LAG3: variants seen among roughly 807,000 people sequenced by gnomAD.
The protein encoded by LAG3 is lymphocyte activating 3.
A neutral mutation model predicts 49.0 loss-of-function variants in LAG3; 29 were observed. The ratio of observed to expected loss-of-function variants is 0.59; its 90% CI spans 0.44 to 0.81. LAG3 has a LOEUF of 0.81. Among genes scored for constraint, LAG3 ranks in the 30% least tolerant of loss-of-function variants. The pLI is 0.00. For synonymous variants in LAG3, 320 were observed against 297.3 expected, an observed-to-expected ratio of 1.08 and a Z score of -0.79; for missense variants, 693 against 695.2, an observed-to-expected ratio of 1.00 and a Z score of 0.04.
In LAG3 at chr12:6,778,376, C is replaced by T. The variant is rs1401657374; in HGVS notation, c.1564C>T (p.Pro522Ser). Residue 522 changes from proline to serine, a missense_variant, in exon 8 of 8, where the codon CCG becomes TCG. By Grantham distance (74) the Pro-to-Ser change is moderately conservative. Transcript: ENST00000203629. ...ACCGGAGCCCGAGCCCGAGCCCGAG[C>T]CGGAGCAGCTCTGACCTGGAGCTGA... ...PEPEPEPEPE[P>S]EQL 2 of 1,611,278 alleles carry T rather than the reference C, an allele frequency of 1.2e-6. No homozygotes were observed.
At position 6,775,430 on chromosome 12, in the gene LAG3, T is replaced by C. The variant is rs1941896592; in HGVS notation, c.939T>C (p.Asn313=). 3.1e-6 allele frequency: 5 copies of C among 1,614,178 alleles called. No homozygotes were observed. The South Asian group carries it at 4.4e-5, about 14-fold the overall frequency. The change falls in exon 5 of 8, where the codon AAT becomes AAC. Residue 313 remains asparagine, a synonymous_variant. Transcript: ENST00000203629. ...CTGACCTCCTGGTGACTGGAGACAA[T>C]GGCGACTTTACCCTTCGACTAGAGG... ...GGPDLLVTGD[N]GDFTLRLEDV...
chr12:6,773,024 CT>C lies in LAG3; in HGVS notation c.58+120del. Reference sequence around the variant, plus strand: ...TTAGCTCTGTGGATTCTTCTAATCCCTTTTTTGGGCAGTCCTTCCACCCCGA... The same window carrying C: ...TTAGCTCTGTGGATTCTTCTAATCCCTTTTTGGGCAGTCCTTCCACCCCGA... On this transcript the variant is annotated intron_variant, in intron 1 of 7. Coordinates refer to ENST00000203629, the MANE Select transcript of LAG3 (RefSeq NM_002286.6). This position sits in a 1 kb window ranked among gnomAD's most constrained non-coding sequence, Gnocchi z 5.5. 2 of 1,386,268 alleles carry C rather than the reference CT, an allele frequency of 1.4e-6. No homozygotes were observed. Among genetic ancestry groups the C allele is most frequent in the Non-Finnish European group, 2.0e-6 (2 of 991,098 alleles). The allele number at this position is 1,386,268 out of a possible 1,614,324, so 85.9% of individuals were successfully genotyped here. A position where few individuals can be genotyped will look rare whatever the true frequency, so the allele number is the denominator to read the frequency against.
At position 6,772,680 on chromosome 12, in the gene LAG3, A is replaced by T; in HGVS notation, c.-173A>T. 8 of 431,772 alleles carry T rather than the reference A, an allele frequency of 1.9e-5. 1 individual carries two copies. In the South Asian group the frequency reaches 3.2e-4, roughly 17 times the overall value. The allele number at this position is 431,772 out of a possible 1,614,324, so 26.7% of individuals were successfully genotyped here. A position where few individuals can be genotyped will look rare whatever the true frequency, so the allele number is the denominator to read the frequency against. ...TTCCTCTGGATTCCGGCCTCTGGTCATCCCTCCCCACCCTCTCTCCAAGGC... is the reference window on the plus strand; with the variant it reads ...TTCCTCTGGATTCCGGCCTCTGGTCTTCCCTCCCCACCCTCTCTCCAAGGC... On this transcript the variant is annotated 5_prime_UTR_variant, in exon 1 of 8. Coordinates refer to ENST00000203629, the MANE Select transcript of LAG3 (RefSeq NM_002286.6).
In LAG3 at chr12:6,778,104, G is replaced by T. The variant is rs1431337806; in HGVS notation, c.1432-140G>T. ...TTGTGCCTGGGTAGGCTGGAAGGGG[G>T]GTTGGGAGAAAGCCAGGACCAGATG... On this transcript the variant is annotated intron_variant, in intron 7 of 7. Transcript: ENST00000203629. 8 of 1,302,416 alleles carry T rather than the reference G, an allele frequency of 6.1e-6. No individual in the cohort carries two copies. In the Admixed American group the frequency reaches 1.5e-4, roughly 24 times the overall value. The allele number at this position is 1,302,416 out of a possible 1,614,324, so 80.7% of individuals were successfully genotyped here.
At position 6,772,732 on chromosome 12, in the gene LAG3, A is replaced by T. The variant is rs1304495951; in HGVS notation, c.-121A>T. On this transcript the variant is annotated 5_prime_UTR_variant, in exon 1 of 8. Transcript: ENST00000203629. ...CTCTCCTGGTCTCCCTTCTTCTAGA[A>T]CCCCTTCCTCCACCTCCCTCTCTGC... 1 of 773,752 alleles carries T rather than the reference A, an allele frequency of 1.3e-6. No individual in the cohort carries two copies. The highest frequency in any genetic ancestry group is 2.1e-6 in the Non-Finnish European group (1 of 470,488). The allele number at this position is 773,752 out of a possible 1,614,324, so 47.9% of individuals were successfully genotyped here.
rs367798710 is a variant in LAG3, at chr12:6,777,517, C to G, written c.1300+11C>G. On this transcript the variant is annotated intron_variant, in intron 6 of 7. Transcript: ENST00000203629. Reference sequence around the variant, plus strand: ...AGCTGTCTAGCCCAGGTCCGAGGCCCCAGAATGCCAGGACCCAAACGCCAC... The same window carrying G: ...AGCTGTCTAGCCCAGGTCCGAGGCCGCAGAATGCCAGGACCCAAACGCCAC... 3 of 1,611,034 alleles carry G rather than the reference C, an allele frequency of 1.9e-6. No individual in the cohort carries two copies. Among genetic ancestry groups the G allele is most frequent in the Non-Finnish European group, 2.5e-6 (3 of 1,178,574 alleles).
chr12:6,773,409 C>CAGGGCAGGGGACAGA lies in LAG3; in HGVS notation c.206+70_206+71insAGGGCAGGGGACAGA. 1 of 1,565,848 alleles carries CAGGGCAGGGGACAGA rather than the reference C, an allele frequency of 6.4e-7. No homozygotes were observed. The highest frequency in any genetic ancestry group is 8.7e-7 in the Non-Finnish European group (1 of 1,149,480). ...TCAACCCCACACCCGTGCCGGTCCT[C>CAGGGCAGGGGACAGA]TGTCCCCTGCCCTGAGGTGTCACTC... On this transcript the variant is annotated intron_variant, in intron 2 of 7. Coordinates refer to ENST00000203629, the MANE Select transcript of LAG3 (RefSeq NM_002286.6). This position sits in a 1 kb window ranked among gnomAD's most constrained non-coding sequence, Gnocchi z 5.5.
rs753788377 is a variant in LAG3, at chr12:6,773,736, C to G, written c.246C>G (p.Pro82=). The G allele has an allele frequency of 1.5e-5, 20 of 1,334,714 alleles. No homozygotes were observed. The South Asian group carries it at 3.5e-4, about 24-fold the overall frequency. The allele number at this position is 1,334,714 out of a possible 1,614,324, so 82.7% of individuals were successfully genotyped here. A position where few individuals can be genotyped will look rare whatever the true frequency, so the allele number is the denominator to read the frequency against. The change falls in exon 3 of 8, where the codon CCC becomes CCG. Residue 82 remains proline (P), a synonymous_variant. Transcript: ENST00000203629. The surrounding 1 kb of genome is among the most constrained non-coding windows in gnomAD (Gnocchi z 5.5). ...PAAAPGHPLA[P]GPHPAAPSSW... ...CCGCCCCCGGCCATCCCCTGGCCCC[C>G]GGCCCTCACCCGGCGGCGCCCTCCT...
At position 6,773,278 on chromosome 12, in the gene LAG3, C is replaced by A. The variant is rs953432394; in HGVS notation, c.145C>A (p.Pro49Thr). The change falls in exon 2 of 8, where the codon CCC (proline) becomes ACC (threonine). Residue 49 changes from proline (P) to threonine (T), a missense_variant. Physicochemically the swap from Pro to Thr is conservative, Grantham distance 38. Coordinates refer to ENST00000203629, the MANE Select transcript of LAG3 (RefSeq NM_002286.6). This position sits in a 1 kb window ranked among gnomAD's most constrained non-coding sequence, Gnocchi z 5.5. ...CCAGCTCCCCTGCAGCCCCACAATC[C>A]CCCTCCAGGATCTCAGCCTTCTGCG... ...PAQLPCSPTI[P>T]LQDLSLLRRA... 1 of 1,613,746 alleles carries A rather than the reference C, an allele frequency of 6.2e-7. No individual in the cohort carries two copies. Among genetic ancestry groups the A allele is most frequent in the Non-Finnish European group, 8.5e-7 (1 of 1,179,840 alleles).
In LAG3 at chr12:6,777,825, C is replaced by A; in HGVS notation, c.1335C>A (p.Leu445=). 1 of 1,613,784 alleles carries A rather than the reference C, an allele frequency of 6.2e-7. No individual in the cohort carries two copies. The highest frequency in any genetic ancestry group is 8.5e-7 in the Non-Finnish European group (1 of 1,179,904). The change falls in exon 7 of 8, where the codon CTC becomes CTA. Residue 445 remains leucine, a synonymous_variant. Coordinates refer to ENST00000203629, the MANE Select transcript of LAG3 (RefSeq NM_002286.6). ...AQRSGRAPGA[L]PAGHLLLFLI... is the part of the protein sequence containing the mutation. ...GCTCTGGGAGAGCCCCAGGTGCCCT[C>A]CCAGCAGGCCACCTCCTGCTGTTTC...
intron 5 of LAG3, 135 bp downstream of exon 5, chr12:6,775,683 A>C: frequency 1.3e-6 from 1 of 784,974 alleles, no homozygotes; most frequent in Non-Finnish European, 2.0e-6. Context: ...GAGCCTGCCC[A>C]TCTCGGCCCC....
intron 7 of LAG3, 101 bp from the exon 8 acceptor site, chr12:6,778,143 C>A (rs906880836): frequency 2.7e-5 from 36 of 1,336,628 alleles, no homozygotes; most frequent in Middle Eastern, 2.2e-4. Context: ...AGGGCAGGGG[C>A]GCTGAGAAAA....
Position 6,773,726 on chromosome 12 carries a change from C to G in LAG3, c.236C>G (p.Pro79Arg). 2 of 1,345,268 alleles carry G rather than the reference C, an allele frequency of 1.5e-6. No homozygotes were observed. The highest frequency in any genetic ancestry group is 1.9e-6 in the Non-Finnish European group (2 of 1,055,304). 83.3% of individuals were successfully genotyped at this position (1,345,268 alleles called of 1,614,324 possible). A position where few individuals can be genotyped will look rare whatever the true frequency, so the allele number is the denominator to read the frequency against. ...CCGCCCGCTGCCGCCCCCGGCCATCCCCTGGCCCCCGGCCCTCACCCGGCG... is the reference window on the plus strand; with the variant it reads ...CCGCCCGCTGCCGCCCCCGGCCATCGCCTGGCCCCCGGCCCTCACCCGGCG... ...SGPPAAAPGHPLAPGPHPAAP... is the reference protein window; with the variant it reads ...SGPPAAAPGHRLAPGPHPAAP... Residue 79 changes from proline (P) to arginine (R), a missense_variant, in exon 3 of 8, where the codon CCC becomes CGC. Pro to Arg is a moderately radical substitution (Grantham distance 103). Coordinates refer to ENST00000203629, the MANE Select transcript of LAG3 (RefSeq NM_002286.6). The surrounding 1 kb of genome is among the most constrained non-coding windows in gnomAD (Gnocchi z 5.5).
rs1487807981 is a variant in LAG3, at chr12:6,774,665, T to A, written c.582T>A (p.Pro194=). ...TTTTGAACTGCTCCTTCAGCCGCCC[T>A]GACCGCCCAGCCTCTGTGCATTGGT... The part of the protein sequence containing the change: ...WVILNCSFSR[P]DRPASVHWFR... The change falls in exon 4 of 8, where the codon CCT becomes CCA. Residue 194 remains proline, a synonymous_variant. Transcript: ENST00000203629. The A allele has an allele frequency of 6.2e-7, 1 of 1,614,058 alleles. No individual in the cohort carries two copies. The highest frequency in any genetic ancestry group is 1.7e-5 in the Admixed American group (1 of 60,000).
At chr12:6,776,995 A>C (rs998067931) in intron 5 of LAG3, among the ~76,000 whole-genome samples, 1 of 152,230 alleles carries the variant, frequency 6.6e-6, no homozygotes, top group African/African-American at 2.4e-5. Context: ...TAATCCCAGC[A>C]CTTTGAAAGG....
In LAG3 at chr12:6,772,694, T is replaced by C. The variant is rs1592494780; in HGVS notation, c.-159T>C. 1.4e-4 allele frequency: 40 copies of C among 283,668 alleles called. No homozygotes were observed. The highest frequency in any genetic ancestry group is 4.5e-4 in the South Asian group (10 of 22,168). 17.6% of individuals were successfully genotyped at this position (283,668 alleles called of 1,614,324 possible). A position where few individuals can be genotyped will look rare whatever the true frequency, so the allele number is the denominator to read the frequency against. On this transcript the variant is annotated 5_prime_UTR_variant, in exon 1 of 8. Coordinates refer to ENST00000203629, the MANE Select transcript of LAG3 (RefSeq NM_002286.6). The stretch of plus-strand genomic sequence containing the variant: ...GGCCTCTGGTCATCCCTCCCCACCC[T>C]CTCTCCAAGGCCCTCTCCTGGTCTC...
intron 6 of LAG3, 136 bp from the exon 7 acceptor site, chr12:6,777,655 G>T: frequency 6.9e-7 from 1 of 1,442,328 alleles, no homozygotes; most frequent in Admixed American, 2.2e-5. Context: ...ACCCGTTTCC[G>T]CCACTGATCA....
rs533786810 is a variant in LAG3, at chr12:6,773,266, A to G, written c.133A>G (p.Ser45Gly). ...QEGAPAQLPC[S>G]PTIPLQDLSL... ...GGGGGCTCCTGCCCAGCTCCCCTGC[A>G]GCCCCACAATCCCCCTCCAGGATCT... Residue 45 changes from serine (S) to glycine (G), a missense_variant, in exon 2 of 8, where the codon AGC (serine) becomes GGC (glycine). Transcript: ENST00000203629. This position sits in a 1 kb window ranked among gnomAD's most constrained non-coding sequence, Gnocchi z 5.5. 108 of 1,613,476 alleles carry G rather than the reference A, an allele frequency of 6.7e-5. No individual in the cohort carries two copies. The South Asian group carries it at 1.1e-3, about 17-fold the overall frequency.
intron 5 of LAG3, among the ~76,000 whole-genome samples, chr12:6,776,797 T>C (rs1348079862): frequency 1.3e-5 from 2 of 152,172 alleles, no homozygotes; most frequent in Non-Finnish European, 2.9e-5. Flanking sequence ...ATTTTGAGGG[T>C]TCTGAGCATT....
Sources: gnomAD v4.1 joint callset for allele counts (sites outside exome capture counted in the v4.1 genomes callset) on GRCh38, gnomAD v4.1.1 for gene constraint, Gnocchi (gnomAD v3.1) non-coding constraint, MANE v1.5 for transcripts, NCBI Gene and HGNC (gene_info 2026-07-23, HGNC 2026-07-21) for gene names.